Variants in FBXL4 observed in about 807,000 individuals in gnomAD.
FBXL4 encodes the protein F-box and leucine rich repeat protein 4, also known as F-box/LRR-repeat protein 4.
FBXL4 carries 40 observed loss-of-function variants against 58.9 expected under a neutral mutation model. The ratio of observed to expected loss-of-function variants is 0.68; its 90% CI spans 0.53 to 0.88. The LOEUF (loss-of-function observed/expected upper bound fraction) is 0.88. Ranked by LOEUF, FBXL4 falls within the 40% of genes least tolerant of loss-of-function variation. The pLI, the probability that FBXL4 is intolerant of heterozygous loss-of-function variation, is 0.00. For synonymous variants in FBXL4, 263 were observed against 265.5 expected, an observed-to-expected ratio of 0.99 and a Z score of 0.09; for missense variants, 676 against 734.4, an observed-to-expected ratio of 0.92 and a Z score of 0.92.
intron 5 of FBXL4, among the ~76,000 whole-genome samples, chr6:98,908,576 C>T (rs949483202): frequency 1.3e-5 from 2 of 152,100 alleles, no homozygotes; most frequent in Non-Finnish European, 2.9e-5. Context: ...GGAGAATTGC[C>T]ATTCACAATG....
rs2128372035 is a variant in FBXL4, at chr6:98,868,928, G to A, written c.*5350C>T. 1 of 152,264 alleles carries A rather than the reference G, an allele frequency of 6.6e-6. No homozygotes were observed. The highest frequency in any genetic ancestry group is 2.4e-5 in the African/African-American group (1 of 41,554). The allele number at this position is 152,264 out of a possible 1,614,324, so 9.4% of individuals were successfully genotyped here. On this transcript the variant is annotated 3_prime_UTR_variant, in exon 10 of 10. Coordinates refer to ENST00000369244, the MANE Select transcript of FBXL4 (RefSeq NM_001278716.2). ...ATTCAAGCTTACAGGCAAAGATCTTGAGCACACTTACTGCTGTGCCAAAGG... is the reference window on the plus strand; with the variant it reads ...ATTCAAGCTTACAGGCAAAGATCTTAAGCACACTTACTGCTGTGCCAAAGG...
intron 5 of FBXL4, among the ~76,000 whole-genome samples, chr6:98,907,888 C>G (rs907428214): frequency 3.3e-5 from 5 of 152,084 alleles, no homozygotes; most frequent in Admixed American, 1.3e-4. Context: ...ATCTCCCTTA[C>G]TCCTGATGTT....
Position 98,886,703 on chromosome 6 carries a change from C to T in FBXL4, c.1318-6079G>A, listed in dbSNP as rs573934436. Among the ~76,000 whole-genome samples, 9 of 152,324 alleles carry T rather than the reference C, an allele frequency of 5.9e-5. No homozygotes were observed. The East Asian group carries it at 1.4e-3, about 23-fold the overall frequency. On this transcript the variant is annotated intron_variant, in intron 7 of 9. Coordinates refer to ENST00000369244, the MANE Select transcript of FBXL4 (RefSeq NM_001278716.2). ...GAGGTCCTGCTCTGCAGTGGCACTG[C>T]GGATACTGCAGGACCAGTAGAAGGC...
At chr6:98,890,745 C>T (rs1771196423) in intron 7 of FBXL4, among the ~76,000 whole-genome samples, 1 of 151,904 alleles carries the variant, frequency 6.6e-6, no homozygotes, top group African/African-American at 2.4e-5. Context: ...ATGGTGAAAC[C>T]CTATCCCTAC....
At chr6:98,901,417 T>C (rs1340970741) in intron 6 of FBXL4, among the ~76,000 whole-genome samples, 3 of 151,984 alleles carry the variant, frequency 2.0e-5, no homozygotes, top group Non-Finnish European at 2.9e-5. Flanking sequence ...TGAGGGACAG[T>C]TGACGTAGTG....
intron 1 of FBXL4, among the ~76,000 whole-genome samples, chr6:98,946,610 TATCC>T (rs1773628452): frequency 6.6e-6 from 1 of 152,202 alleles, no homozygotes; most frequent in South Asian, 2.1e-4. Context: ...GTAAAGAAAT[TATCC>T]ATCTTACAAT....
At chr6:98,905,710 A>G (rs1349863770) in intron 5 of FBXL4, 40 bp from the exon 6 acceptor site, 2 of 1,596,948 alleles carry the variant, frequency 1.3e-6, no homozygotes, top group Non-Finnish European at 1.7e-6. Context: ...AAGAGTGAAA[A>G]GCAGTATCAT....
chr6:98,947,052 G>GC (rs1462505525), intron 1 of FBXL4, among the ~76,000 whole-genome samples: 1 of 152,230 alleles, frequency 6.6e-6, no homozygotes, highest in Non-Finnish European at 1.5e-5. Flanking sequence ...GTGGTAATGT[G>GC]CCCTCCGGAG....
At chr6:98,910,945 G>A (rs7742764) in intron 5 of FBXL4, among the ~76,000 whole-genome samples, 45,859 of 152,000 alleles carry the variant, frequency 0.3, 7,319 homozygotes, top group Middle Eastern at 0.35. Context: ...GGTGACAGAT[G>A]GCACCTAGAA....
intron 1 of FBXL4, among the ~76,000 whole-genome samples, chr6:98,939,075 CAAAAAAAAAAAAAAA>C (rs3068704): frequency 7.9e-5 from 2 of 25,262 alleles, no homozygotes; most frequent in South Asian, 2.0e-3. Flanking sequence ...GACCTTGTCT[CAAAAAAAAAAAAAAA>C]AAAAAAAAAA....
intron 2 of FBXL4, among the ~76,000 whole-genome samples, chr6:98,933,528 C>T (rs1773091533): frequency 6.6e-6 from 1 of 152,290 alleles, no homozygotes; most frequent in South Asian, 2.1e-4. Flanking sequence ...AATGCCCCCT[C>T]TCTTCCAATG....
At position 98,943,784 on chromosome 6, in the gene FBXL4, G is replaced by C. The variant is rs185017189; in HGVS notation, c.-309+4022C>G. On this transcript the variant is annotated intron_variant, in intron 1 of 9. Coordinates refer to ENST00000369244, the MANE Select transcript of FBXL4 (RefSeq NM_001278716.2). The stretch of plus-strand genomic sequence containing the variant: ...ATCAGGTACACACAAAACTGACAGA[G>C]AGGCAAAAGTCATATAAGACAATGT... Among the ~76,000 whole-genome samples, 403 of 152,160 alleles carry C rather than the reference G, an allele frequency of 2.6e-3. 3 individuals carry two copies. Among genetic ancestry groups the C allele is most frequent in the African/African-American group, 9.2e-3 (384 of 41,518 alleles).
chr6:98,926,530 T>G lies in FBXL4; in HGVS notation c.459A>C (p.Arg153Ser). ...AAGGATTTGCAGAACAAGCGAGAAT[T>G]CTAATGACTGCTCCGGGATGATAGG... ...LETYHPGAVIRILACSANPYS... is the reference protein window; with the variant it reads ...LETYHPGAVISILACSANPYS... The change falls in exon 4 of 10, where the codon AGA becomes AGC. Residue 153 changes from arginine to serine, a missense_variant. Coordinates refer to ENST00000369244, the MANE Select transcript of FBXL4 (RefSeq NM_001278716.2). 6.2e-7 allele frequency: 1 copy of G among 1,613,864 alleles called. No homozygotes were observed. The highest frequency in any genetic ancestry group is 8.5e-7 in the Non-Finnish European group (1 of 1,179,874).
chr6:98,906,423 T>C (rs1308754404), intron 5 of FBXL4, among the ~76,000 whole-genome samples: 1 of 151,534 alleles, frequency 6.6e-6, no homozygotes, highest in African/African-American at 2.4e-5. Flanking sequence ...CATGCGGTGC[T>C]TGGTTGTCTG....
intron 7 of FBXL4, among the ~76,000 whole-genome samples, chr6:98,885,965 G>A (rs541340207): frequency 2.0e-5 from 3 of 152,246 alleles, no homozygotes; most frequent in South Asian, 2.1e-4. Flanking sequence ...GGAGGGAACA[G>A]GGGCCTCTGG....
chr6:98,945,265 G>A (rs1005076828), intron 1 of FBXL4, among the ~76,000 whole-genome samples: 2 of 152,092 alleles, frequency 1.3e-5, no homozygotes, highest in Non-Finnish European at 2.9e-5. Flanking sequence ...ACAGGGGACT[G>A]GCTAAATAAC....
At chr6:98,930,444 G>A (rs1254412406) in intron 2 of FBXL4, among the ~76,000 whole-genome samples, 2 of 151,954 alleles carry the variant, frequency 1.3e-5, no homozygotes, top group East Asian at 3.9e-4. Context: ...AATAAATAAG[G>A]TGTTTCTGTA....
intron 5 of FBXL4, among the ~76,000 whole-genome samples, chr6:98,916,241 T>C (rs1772340646): frequency 1.3e-5 from 2 of 152,042 alleles, no homozygotes; most frequent in African/African-American, 2.4e-5. Context: ...AGTTCAACCA[T>C]TGTGGAAGTC....
chr6:98,917,577 C>G lies in FBXL4; in HGVS notation c.655G>C (p.Glu219Gln), dbSNP rs1218468228. ...VNSSLLEYYT[E>Q]LDAVVLHGVK... ...CCATGTAGCACAACTGCATCTAATT[C>G]AGTGTAATATTCCAGAAGAGAACTA... Residue 219 changes from glutamate (E) to glutamine (Q), a missense_variant, in exon 5 of 10, where the codon GAA becomes CAA. By Grantham distance (29) the Glu-to-Gln change is conservative. Coordinates refer to ENST00000369244, the MANE Select transcript of FBXL4 (RefSeq NM_001278716.2). 6.2e-7 allele frequency: 1 copy of G among 1,613,978 alleles called. No homozygotes were observed. Among genetic ancestry groups the G allele is most frequent in the Non-Finnish European group, 8.5e-7 (1 of 1,179,908 alleles).
Sources: gnomAD v4.1 joint callset for allele counts (sites outside exome capture counted in the v4.1 genomes callset) on GRCh38, gnomAD v4.1.1 for gene constraint, MANE v1.5 for transcripts, NCBI Gene and HGNC (gene_info 2026-07-23, HGNC 2026-07-21) for gene names.